TLE2: variants seen among roughly 807,000 people sequenced by gnomAD.
TLE2 encodes TLE family member 2, transcriptional corepressor.
Under a neutral mutation model 97.2 loss-of-function variants are expected in TLE2, and 74 were observed. The observed-to-expected ratio is 0.76, with a 90% confidence interval of 0.63 to 0.92. The LOEUF (loss-of-function observed/expected upper bound fraction) is 0.92, where lower values mean the gene tolerates loss of function less well. Among genes scored for constraint, TLE2 ranks in the 40% least tolerant of loss-of-function variants. The pLI is 0.00. For missense variants in TLE2, 1,038 were observed against 1,008.7 expected (o/e 1.03, Z -0.39); for synonymous variants, 499 against 432.1 (o/e 1.15, Z -1.92).
rs747457930 is a variant in TLE2, at chr19:3,028,366, C to A, written c.139G>T (p.Glu47Ter). 6.2e-7 allele frequency: 1 copy of A among 1,608,240 alleles called. No individual in the cohort carries two copies. The highest frequency in any genetic ancestry group is 1.1e-5 in the South Asian group (1 of 90,034). ...TCCGTCTTCTCGCTGGCCAGCTTCT[C>A]ACATTCTAGCTTGAGGCTGAGAAGA... ...AQYHSLKLEC[E>*]KLASEKTEMQ... is the part of the protein sequence containing the mutation. The change falls in exon 3 of 20, where the codon GAG becomes TAG. Residue 47 changes from glutamate to a stop codon, truncating the protein, a stop_gained. Coordinates refer to ENST00000262953, the MANE Select transcript of TLE2 (RefSeq NM_003260.5). LOFTEE classifies it high-confidence loss of function.
chr19:3,035,787 G>A (rs1568254397), intron 1 of TLE2, among the ~76,000 whole-genome samples: 1 of 152,208 alleles, frequency 6.6e-6, no homozygotes, highest in African/African-American at 2.4e-5. Flanking sequence ...CAATCGGAAG[G>A]CAGCTCGGCG....
intron 11 of TLE2, among the ~76,000 whole-genome samples, chr19:3,012,083 A>G (rs1391224980): frequency 6.6e-6 from 1 of 151,996 alleles, no homozygotes; most frequent in East Asian, 1.9e-4. Context: ...CGTCTCTACT[A>G]AAAATACAAA....
At chr19:3,018,258 A>G (rs1243772586) in intron 7 of TLE2, among the ~76,000 whole-genome samples, 3 of 152,028 alleles carry the variant, frequency 2.0e-5, no homozygotes, top group Non-Finnish European at 4.4e-5. Flanking sequence ...CAGCCTCCCG[A>G]GTAGCTGGGA....
chr19:3,023,897 C>CAG (rs2089893903), intron 5 of TLE2, among the ~76,000 whole-genome samples: 1 of 147,414 alleles, frequency 6.8e-6, no homozygotes, highest in South Asian at 2.2e-4. Context: ...ATCACACACA[C>CAG]ACACACACAC....
At chr19:3,014,429 C>A in intron 10 of TLE2, 141 bp downstream of exon 10, 1 of 709,016 alleles carries the variant, frequency 1.4e-6, no homozygotes, top group Non-Finnish European at 2.0e-6. Context: ...CCCGGAGTCC[C>A]TGACGCTTCC....
rs558516553 is a variant in TLE2, at chr19:2,998,337, G to A, written c.2125-382C>T. 4.6e-5 allele frequency among the ~76,000 whole-genome samples: 7 copies of A among 151,020 alleles called. No individual in the cohort carries two copies. The East Asian group carries it at 1.2e-3, about 25-fold the overall frequency. On this transcript the variant is annotated intron_variant, in intron 19 of 19. Transcript: ENST00000262953. ...CTGTTGCCCAGGCTAGAGTGCAATG[G>A]TGTGATCTCTGCTCACTGCAACCTC...
In TLE2 at chr19:3,011,131, G is replaced by A. The variant is rs775420252; in HGVS notation, c.903C>T (p.Ser301=). ...LNDLPASTPA[S]KSCDSSPPQD... is the part of the protein sequence containing the mutation. The stretch of plus-strand genomic sequence containing the variant: ...GGGGCGGGGAGGAGTCACAGGATTT[G>A]GAGGCAGGAGTGCTGGCGGGAAGGT... Residue 301 remains serine, a synonymous_variant, in exon 12 of 20, where the codon TCC becomes TCT. Transcript: ENST00000262953. 3.7e-6 allele frequency: 6 copies of A among 1,608,738 alleles called. No individual in the cohort carries two copies. Among genetic ancestry groups the A allele is most frequent in the East Asian group, 2.2e-5 (1 of 44,720 alleles).
intron 3 of TLE2, among the ~76,000 whole-genome samples, 154 bp downstream of exon 3, chr19:3,028,165 G>A (rs931785162): frequency 1.3e-5 from 2 of 152,108 alleles, no homozygotes; most frequent in African/African-American, 4.8e-5. Context: ...CCAGAGCTGG[G>A]AGGACCCTCC....
upstream of TLE2, among the ~76,000 whole-genome samples, chr19:3,032,427 C>T (rs1192362008): frequency 5.9e-5 from 9 of 151,596 alleles, no homozygotes; most frequent in Admixed American, 4.0e-4. The surrounding 1 kb of genome is among the most constrained non-coding windows in gnomAD (Gnocchi z 4.1). Flanking sequence ...TAGTAGAGAC[C>T]GGCTTTCGCT....
At chr19:3,000,464 C>T (rs563325243) in intron 19 of TLE2, among the ~76,000 whole-genome samples, 183 bp downstream of exon 19, 26 of 152,144 alleles carry the variant, frequency 1.7e-4, no homozygotes, top group African/African-American at 5.8e-4. Context: ...GAGGCGAGGC[C>T]TCCGGCTGAA....
intron 19 of TLE2, among the ~76,000 whole-genome samples, chr19:2,999,726 C>CA (rs199521660): frequency 0.52 from 58,029 of 112,520 alleles, 13,053 homozygotes; most frequent in East Asian, 0.72. Flanking sequence ...GACTCCATCT[C>CA]AAAAAAAAAA....
intron 13 of TLE2, 52 bp downstream of exon 13, chr19:3,009,490 C>T (rs2089544567): frequency 6.5e-7 from 1 of 1,530,178 alleles, no homozygotes; most frequent in Admixed American, 2.2e-5. Context: ...CCTCCCGGCC[C>T]CCAGCCCCTG....
intron 16 of TLE2, 50 bp downstream of exon 16, chr19:3,005,671 C>T (rs1416425356): frequency 1.2e-6 from 2 of 1,606,716 alleles, no homozygotes; most frequent in South Asian, 1.1e-5. Flanking sequence ...TCCCCCTGCA[C>T]CGAGAGCGGC....
chr19:3,012,092 A>C (rs554178098), intron 11 of TLE2, among the ~76,000 whole-genome samples: 2 of 151,706 alleles, frequency 1.3e-5, no homozygotes, highest in Non-Finnish European at 2.9e-5. Flanking sequence ...TAAAAATACA[A>C]AAAATTAGCC....
rs1407353319 is a variant in TLE2 at position 3,027,813 on chromosome 19, AC to A, written c.231+15del. On this transcript the variant is annotated intron_variant, in intron 4 of 19. Coordinates refer to ENST00000262953, the MANE Select transcript of TLE2 (RefSeq NM_003260.5). Reference sequence around the variant, plus strand: ...CCACCCTCCCTCCTGAACACGCGTAACCCCAACCCAGTTACCTGCTTATGCA... The same window carrying A: ...CCACCCTCCCTCCTGAACACGCGTAACCCAACCCAGTTACCTGCTTATGCA... The A allele has an allele frequency of 2.5e-6, 4 of 1,610,080 alleles. No individual in the cohort carries two copies. The South Asian group carries it at 4.5e-5, about 18-fold the overall frequency.
At chr19:3,044,937 G>T (rs2090131134) in intron 1 of TLE2, among the ~76,000 whole-genome samples, 1 of 152,250 alleles carries the variant, frequency 6.6e-6, no homozygotes, top group African/African-American at 2.4e-5. Context: ...TGCAGGGAAA[G>T]CCGGGCGCGG....
chr19:3,022,140 C>T (rs2089856503), intron 5 of TLE2, among the ~76,000 whole-genome samples: 1 of 151,850 alleles, frequency 6.6e-6, no homozygotes, highest in African/African-American at 2.4e-5. Context: ...CCTCCGCCTC[C>T]CAGGTTCAAG....
chr19:2,997,791 CT>C lies in TLE2; in HGVS notation c.*56del. The C allele has an allele frequency of 7.5e-7, 1 of 1,328,944 alleles. No individual in the cohort carries two copies. The highest frequency in any genetic ancestry group is 1.2e-5 in the South Asian group (1 of 80,292). 82.3% of individuals were successfully genotyped at this position (1,328,944 alleles called of 1,614,324 possible). ...GGAGGCGGCTGCTAGGATGTCTGTCCTGGCTGCTGATTCCCCTGGGAGTCTG... is the reference window on the plus strand; with the variant it reads ...GGAGGCGGCTGCTAGGATGTCTGTCCGGCTGCTGATTCCCCTGGGAGTCTG... On this transcript the variant is annotated 3_prime_UTR_variant, in exon 20 of 20. Coordinates refer to ENST00000262953, the MANE Select transcript of TLE2 (RefSeq NM_003260.5).
At chr19:3,027,528 G>C (rs2089966298) in intron 4 of TLE2, among the ~76,000 whole-genome samples, 1 of 152,212 alleles carries the variant, frequency 6.6e-6, no homozygotes, top group Non-Finnish European at 1.5e-5. Context: ...TGGCTGCCCT[G>C]CCTCTGCTAT....
Sources: allele counts gnomAD v4.1 joint callset (sites outside exome capture counted in the v4.1 genomes callset), GRCh38; gene constraint gnomAD v4.1.1; non-coding constraint Gnocchi (gnomAD v3.1); transcripts MANE v1.5; gene names NCBI Gene and HGNC (gene_info 2026-07-23, HGNC 2026-07-21).